Variants in WWOX observed in about 807,000 individuals in gnomAD.
WWOX encodes WW domain containing oxidoreductase.
A neutral mutation model predicts 46.2 loss-of-function variants in WWOX; 69 were observed. That is an observed-to-expected ratio of 1.49 (90% confidence interval 1.23 to 1.82). The LOEUF (loss-of-function observed/expected upper bound fraction) is 1.82. Ranked by LOEUF, WWOX falls within the 40% of genes most tolerant of loss-of-function variation. WWOX has a pLI of 0.00. For missense variants in WWOX, 919 were observed against 542.6 expected (o/e 1.69, Z -6.89); for synonymous variants, 359 against 202.6 (o/e 1.77, Z -6.56).
intron 5 of WWOX, among the ~76,000 whole-genome samples, chr16:78,304,884 A>C (rs1009113096): frequency 6.6e-6 from 1 of 152,044 alleles, no homozygotes; most frequent in African/African-American, 2.4e-5. Flanking sequence ...GCATTGGGAA[A>C]ATCCCCATTT....
chr16:78,489,637 C>T (rs74030534), intron 8 of WWOX, among the ~76,000 whole-genome samples: 6,175 of 152,164 alleles, frequency 0.041, 268 homozygotes, highest in African/African-American at 0.11. Flanking sequence ...TTCTTTGTGA[C>T]CTGATAGTCT....
chr16:78,437,687 G>C (rs1187038940), intron 8 of WWOX, among the ~76,000 whole-genome samples: 1 of 152,068 alleles, frequency 6.6e-6, no homozygotes, highest in African/African-American at 2.4e-5. Flanking sequence ...AGATAAACTT[G>C]GAAAGTGAGT....
At chr16:78,685,489 A>G (rs2047833530) in intron 8 of WWOX, among the ~76,000 whole-genome samples, 1 of 152,230 alleles carries the variant, frequency 6.6e-6, no homozygotes, top group Non-Finnish European at 1.5e-5. Flanking sequence ...AGTTAAGTGC[A>G]TTTTAAAACT....
chr16:78,763,604 C>T (rs1567543743), intron 8 of WWOX, among the ~76,000 whole-genome samples: 1 of 152,216 alleles, frequency 6.6e-6, no homozygotes, highest in Non-Finnish European at 1.5e-5. Context: ...GAGTTGCTGT[C>T]ATTGAAACAA....
intron 8 of WWOX, among the ~76,000 whole-genome samples, chr16:78,950,956 G>T (rs758367123): frequency 5.3e-5 from 8 of 152,160 alleles, no homozygotes; most frequent in Non-Finnish European, 1.0e-4. Context: ...TAAACATCCG[G>T]TTCTTTCCAG....
chr16:78,866,489 CTTCAGG>C (rs1005179986), intron 8 of WWOX, among the ~76,000 whole-genome samples: 6 of 151,962 alleles, frequency 3.9e-5, no homozygotes, highest in African/African-American at 1.5e-4. Flanking sequence ...TTCCTCTGTC[CTTCAGG>C]TTAGTAAAAC....
At chr16:78,528,631 T>C (rs1235463306) in intron 8 of WWOX, among the ~76,000 whole-genome samples, 1 of 152,228 alleles carries the variant, frequency 6.6e-6, no homozygotes, top group Non-Finnish European at 1.5e-5. Flanking sequence ...TCAGGCTTAA[T>C]GCTTTCTTGT....
intron 8 of WWOX, among the ~76,000 whole-genome samples, chr16:78,587,164 C>T (rs531865402): frequency 5.8e-4 from 87 of 149,790 alleles, no homozygotes; most frequent in African/African-American, 2.1e-3. Context: ...TGGCTGGAAC[C>T]ACAAGCAGAT....
At chr16:78,893,902 T>G (rs1216394586) in intron 8 of WWOX, among the ~76,000 whole-genome samples, 2 of 152,128 alleles carry the variant, frequency 1.3e-5, no homozygotes, top group African/African-American at 4.8e-5. Flanking sequence ...ATCTTTTGAG[T>G]TGATATGCAA....
chr16:78,151,882 C>A lies in WWOX; in HGVS notation c.410-12301C>A, dbSNP rs896319599. On this transcript the variant is annotated intron_variant, in intron 4 of 8. Coordinates refer to ENST00000566780, the MANE Select transcript of WWOX (RefSeq NM_016373.4). ...ACGTGCACGCTGTTCGGTACTTTGA[C>A]TTTTTTTCTTAATATTATAACATGG... 5.3e-5 allele frequency among the ~76,000 whole-genome samples: 8 copies of A among 152,156 alleles called. No individual in the cohort carries two copies. In the East Asian group the frequency reaches 5.8e-4, roughly 11 times the overall value.
At chr16:79,082,685 G>C (rs532855069) in intron 8 of WWOX, among the ~76,000 whole-genome samples, 2 of 152,148 alleles carry the variant, frequency 1.3e-5, no homozygotes, top group African/African-American at 4.8e-5. Context: ...GCTTCTGCCA[G>C]CACATTTGGA....
At chr16:79,063,198 C>A (rs966217688) in intron 8 of WWOX, among the ~76,000 whole-genome samples, 1 of 152,156 alleles carries the variant, frequency 6.6e-6, no homozygotes, top group African/African-American at 2.4e-5. Flanking sequence ...ACATTGCTTG[C>A]AGTATGTGAA....
At chr16:79,116,051 A>G (rs1259582806) in intron 8 of WWOX, among the ~76,000 whole-genome samples, 1 of 152,234 alleles carries the variant, frequency 6.6e-6, no homozygotes, top group Non-Finnish European at 1.5e-5. Flanking sequence ...TAAGTGTACA[A>G]TAGCATTGTA....
At chr16:79,180,544 G>T (rs2050889923) in intron 8 of WWOX, among the ~76,000 whole-genome samples, 2 of 152,202 alleles carry the variant, frequency 1.3e-5, no homozygotes, top group African/African-American at 2.4e-5. Context: ...GGAGATAGGG[G>T]CAGGAGGAAT....
chr16:78,323,570 C>T (rs898375206), intron 5 of WWOX, among the ~76,000 whole-genome samples: 3 of 152,068 alleles, frequency 2.0e-5, no homozygotes, highest in East Asian at 1.9e-4. Flanking sequence ...TGGGAAGAGG[C>T]GGGAACCCCA....
At chr16:78,225,397 CT>C (rs901296131) in intron 5 of WWOX, among the ~76,000 whole-genome samples, 2 of 152,078 alleles carry the variant, frequency 1.3e-5, no homozygotes, top group Admixed American at 1.3e-4. Flanking sequence ...ATGACCTCTG[CT>C]TTTTTTGTCT....
intron 8 of WWOX, among the ~76,000 whole-genome samples, chr16:78,849,359 C>T (rs930987990): frequency 2.7e-5 from 4 of 150,752 alleles, no homozygotes; most frequent in Admixed American, 6.6e-5. Context: ...ATCACGAGGT[C>T]GGGAGATCGA....
At position 78,794,640 on chromosome 16, in the gene WWOX, T is replaced by C. The variant is rs575450952; in HGVS notation, c.1056+361888T>C. ...TGTGGTCAGCACAATGGCTGACACA[T>C]AGCAAGACCTTGGTAAGTTATAGCT... On this transcript the variant is annotated intron_variant, in intron 8 of 8. Coordinates refer to ENST00000566780, the MANE Select transcript of WWOX (RefSeq NM_016373.4). Among the ~76,000 whole-genome samples the C allele has an allele frequency of 2.8e-4, 42 of 152,382 alleles. No homozygotes were observed. In the East Asian group the frequency reaches 6.4e-3, roughly 23 times the overall value.
At chr16:79,200,777 C>T (rs1010171149) in intron 8 of WWOX, among the ~76,000 whole-genome samples, 1 of 152,076 alleles carries the variant, frequency 6.6e-6, no homozygotes, top group Non-Finnish European at 1.5e-5. Context: ...TGGCAAGTGC[C>T]TCTGTGCTGA....
Sources: gnomAD v4.1 joint callset for allele counts (sites outside exome capture counted in the v4.1 genomes callset) on GRCh38, gnomAD v4.1.1 for gene constraint, MANE v1.5 for transcripts, NCBI Gene and HGNC (gene_info 2026-07-23, HGNC 2026-07-21) for gene names.